TESC: variants seen among roughly 807,000 people sequenced by gnomAD.
TESC encodes the protein tescalcin.
Under a neutral mutation model 31.0 loss-of-function variants are expected in TESC, and 19 were observed. The observed-to-expected ratio is 0.61, with a 90% confidence interval of 0.43 to 0.90. The LOEUF is 0.90. Among genes scored for constraint, TESC ranks in the 40% least tolerant of loss-of-function variants. The probability of loss-of-function intolerance (pLI) is 0.00; values close to 1 mark genes in which losing one functional copy is unlikely to be tolerated. For synonymous variants in TESC, 109 were observed against 114.8 expected, an observed-to-expected ratio of 0.95 and a Z score of 0.32; for missense variants, 248 against 303.8, an observed-to-expected ratio of 0.82 and a Z score of 1.36.
intron 2 of TESC, among the ~76,000 whole-genome samples, chr12:117,057,173 C>T (rs560315320): frequency 3.3e-5 from 5 of 152,296 alleles, no homozygotes; most frequent in Admixed American, 6.5e-5. Flanking sequence ...GATCATAGCT[C>T]GCTGCAGCCT....
At chr12:117,042,320 T>C (rs1954496582) in intron 6 of TESC, among the ~76,000 whole-genome samples, 1 of 150,732 alleles carries the variant, frequency 6.6e-6, no homozygotes, top group Non-Finnish European at 1.5e-5. Flanking sequence ...GAGGTGTGGG[T>C]GACATGAGGG....
chr12:117,057,550 G>C (rs1954742307), intron 2 of TESC, among the ~76,000 whole-genome samples: 1 of 152,202 alleles, frequency 6.6e-6, no homozygotes, highest in Non-Finnish European at 1.5e-5. Context: ...GTGGGGTGCT[G>C]GCTTGGAGCT....
chr12:117,061,966 A>AATGAGAT (rs1693359107), intron 2 of TESC, among the ~76,000 whole-genome samples: 1 of 152,246 alleles, frequency 6.6e-6, no homozygotes, highest in Admixed American at 6.5e-5. Flanking sequence ...GAGATGATCA[A>AATGAGAT]ATGAGATAAA....
chr12:117,093,647 C>T (rs1257745035), intron 1 of TESC, among the ~76,000 whole-genome samples: 2 of 152,256 alleles, frequency 1.3e-5, no homozygotes, highest in African/African-American at 4.8e-5. Context: ...AAATGGGAAA[C>T]CAACCGTGTT....
At chr12:117,078,083 G>T (rs534883305) in intron 1 of TESC, among the ~76,000 whole-genome samples, 13 of 152,238 alleles carry the variant, frequency 8.5e-5, no homozygotes, top group African/African-American at 3.1e-4. Flanking sequence ...AATAATAGAT[G>T]CAACACGTAC....
Position 117,039,002 on chromosome 12 carries a change from G to C in TESC, c.*131C>G, listed in dbSNP as rs1488667966. 2 of 883,632 alleles carry C rather than the reference G, an allele frequency of 2.3e-6. No homozygotes were observed. The highest frequency in any genetic ancestry group is 2.1e-5 in the Admixed American group (1 of 47,242). 54.7% of individuals were successfully genotyped at this position (883,632 alleles called of 1,614,324 possible). On this transcript the variant is annotated 3_prime_UTR_variant, in exon 8 of 8. Transcript: ENST00000335209. ...ACATACCATACCCTACAAGACACAAGGTGCGCAGACGAGCCTTGGCTATGT... is the reference window on the plus strand; with the variant it reads ...ACATACCATACCCTACAAGACACAACGTGCGCAGACGAGCCTTGGCTATGT...
Position 117,091,652 on chromosome 12 carries a change from A to G in TESC, c.58+7573T>C, listed in dbSNP as rs58959595. ...GCCACCCAGTGAGACCCTAGGAAACAGAGGGGGCGGCACCCTCCTGCCTCT... is the reference window on the plus strand; with the variant it reads ...GCCACCCAGTGAGACCCTAGGAAACGGAGGGGGCGGCACCCTCCTGCCTCT... On this transcript the variant is annotated intron_variant, in intron 1 of 7. Transcript: ENST00000335209. 8.0e-3 allele frequency among the ~76,000 whole-genome samples: 1,225 copies of G among 152,274 alleles called. 18 individuals are homozygous for G. Among genetic ancestry groups the G allele is most frequent in the African/African-American group, 0.028 (1,143 of 41,556 alleles).
At chr12:117,085,884 T>G (rs1955213529) in intron 1 of TESC, among the ~76,000 whole-genome samples, 1 of 152,196 alleles carries the variant, frequency 6.6e-6, no homozygotes, top group African/African-American at 2.4e-5. Context: ...CACAAGCTAT[T>G]CACAATCACA....
intron 6 of TESC, among the ~76,000 whole-genome samples, chr12:117,042,328 G>A (rs1249195961): frequency 2.0e-5 from 3 of 151,994 alleles, no homozygotes; most frequent in African/African-American, 4.8e-5. Flanking sequence ...GGTGACATGA[G>A]GGCATGGGGC....
intron 1 of TESC, among the ~76,000 whole-genome samples, chr12:117,075,907 A>ATGTGTGTG (rs1339057864): frequency 1.8e-4 from 12 of 65,152 alleles, no homozygotes; most frequent in East Asian, 1.2e-3. Flanking sequence ...ATATATATAT[A>ATGTGTGTG]TATATATGTG....
chr12:117,082,501 TAAA>T (rs780175960), intron 1 of TESC, among the ~76,000 whole-genome samples: 1 of 124,888 alleles, frequency 8.0e-6, no homozygotes, highest in Admixed American at 8.3e-5. Flanking sequence ...AGACTTTGTC[TAAA>T]AAAAAAAAAA....
intron 2 of TESC, among the ~76,000 whole-genome samples, chr12:117,058,092 C>A (rs1450041723): frequency 6.6e-6 from 1 of 152,062 alleles, no homozygotes; most frequent in Non-Finnish European, 1.5e-5. Context: ...TGGTGGCGCA[C>A]ATCTGTAATC....
At chr12:117,075,905 A>ATGTG (rs1565971589) in intron 1 of TESC, among the ~76,000 whole-genome samples, 37 of 76,688 alleles carry the variant, frequency 4.8e-4, no homozygotes, top group African/African-American at 2.8e-3. Flanking sequence ...ATATATATAT[A>ATGTG]TATATATATG....
chr12:117,039,061 C>T lies in TESC; in HGVS notation c.*72G>A, dbSNP rs910837713. On this transcript the variant is annotated 3_prime_UTR_variant, in exon 8 of 8. Transcript: ENST00000335209. The stretch of plus-strand genomic sequence containing the variant: ...TGCAGGAAGAGGCTGTCCGCCGGGC[C>T]TGGGCTGCTCCAGCTACGCGGGGAG... 1.0e-5 allele frequency: 16 copies of T among 1,555,152 alleles called. No homozygotes were observed. In the East Asian group the frequency reaches 3.8e-4, roughly 37 times the overall value.
At chr12:117,090,042 C>T (rs954901074) in intron 1 of TESC, among the ~76,000 whole-genome samples, 6 of 151,420 alleles carry the variant, frequency 4.0e-5, no homozygotes, top group East Asian at 1.9e-4. Context: ...AAAAACGAAT[C>T]GCTGAAAAAA....
chr12:117,072,194 G>A (rs1954983862), intron 2 of TESC, among the ~76,000 whole-genome samples: 2 of 152,248 alleles, frequency 1.3e-5, no homozygotes, highest in South Asian at 4.1e-4. Context: ...TCAGGATGGG[G>A]TGGAAGAATA....
chr12:117,039,081 G>C lies in TESC; in HGVS notation c.*52C>G. 2 of 1,594,262 alleles carry C rather than the reference G, an allele frequency of 1.3e-6. No homozygotes were observed. Among genetic ancestry groups the C allele is most frequent in the East Asian group, 2.3e-5 (1 of 44,100 alleles). On this transcript the variant is annotated 3_prime_UTR_variant, in exon 8 of 8. Transcript: ENST00000335209. The stretch of plus-strand genomic sequence containing the variant: ...CGGGCCTGGGCTGCTCCAGCTACGC[G>C]GGGAGGCGGCCCCATTGCAAAGTGC...
At chr12:117,070,370 C>T (rs532385120) in intron 2 of TESC, among the ~76,000 whole-genome samples, 1 of 152,138 alleles carries the variant, frequency 6.6e-6, no homozygotes, top group Non-Finnish European at 1.5e-5. Context: ...GAAGGAGGCC[C>T]TTCCTGTAGG....
intron 3 of TESC, among the ~76,000 whole-genome samples, chr12:117,053,463 C>A (rs994999124): frequency 1.3e-5 from 2 of 152,186 alleles, no homozygotes; most frequent in African/African-American, 4.8e-5. Context: ...GGCAGACAGA[C>A]CCGAGTTGGA....
Sources: allele counts gnomAD v4.1 joint callset (sites outside exome capture counted in the v4.1 genomes callset), GRCh38; gene constraint gnomAD v4.1.1; transcripts MANE v1.5; gene names NCBI Gene and HGNC (gene_info 2026-07-23, HGNC 2026-07-21).